GNPTAB: variants seen among roughly 807,000 people sequenced by gnomAD.
GNPTAB encodes the protein N-acetylglucosamine-1-phosphotransferase subunits alpha/beta.
In GNPTAB, 92 loss-of-function variants were observed where a neutral mutation model predicts 136.6. The observed-to-expected ratio is 0.67, with a 90% CI of 0.57 to 0.80. The LOEUF (loss-of-function observed/expected upper bound fraction) is 0.80, where lower values mean the gene tolerates loss of function less well. Among genes scored for constraint, GNPTAB ranks in the 30% least tolerant of loss-of-function variants. The pLI is 0.00. For synonymous variants in GNPTAB, 512 were observed against 535.1 expected, an observed-to-expected ratio of 0.96 and a Z score of 0.60; for missense variants, 1,343 against 1,501.8, an observed-to-expected ratio of 0.89 and a Z score of 1.75.
intron 20 of GNPTAB, 91 bp from the exon 21 acceptor site, chr12:101,747,332 A>T: frequency 1.4e-6 from 1 of 739,310 alleles, no homozygotes; most frequent in Admixed American, 2.0e-5. Flanking sequence ...ATATGACCTT[A>T]ATCATTTCCA....
rs558954544 is a variant in GNPTAB at position 101,758,022 on chromosome 12, T to G, written c.3250-365A>C. 9.3e-5 allele frequency among the ~76,000 whole-genome samples: 14 copies of G among 150,358 alleles called. No homozygotes were observed. The East Asian group carries it at 2.3e-3, about 25-fold the overall frequency. On this transcript the variant is annotated intron_variant, in intron 16 of 20. Coordinates refer to ENST00000299314, the MANE Select transcript of GNPTAB (RefSeq NM_024312.5). ...GTCTGGTGAATTCCCGACCCACAAA[T>G]AGTCTCATAGTCTCATTTTTTTTTT...
At chr12:101,782,576 T>C (rs527769098) in intron 5 of GNPTAB, among the ~76,000 whole-genome samples, 4 of 152,332 alleles carry the variant, frequency 2.6e-5, no homozygotes, top group African/African-American at 7.2e-5. Context: ...ATCACAACTT[T>C]TGCCCCTCCT....
rs1470852268 is a variant in GNPTAB at position 101,757,658 on chromosome 12, C to CAGG, written c.3250-2_3250-1insCCT. The CAGG allele has an allele frequency of 6.7e-7, 1 of 1,491,238 alleles. No individual in the cohort carries two copies. Among genetic ancestry groups the CAGG allele is most frequent in the Admixed American group, 1.7e-5 (1 of 59,860 alleles). 92.4% of individuals were successfully genotyped at this position (1,491,238 alleles called of 1,614,324 possible). A position where few individuals can be genotyped will look rare whatever the true frequency, so the allele number is the denominator to read the frequency against. On this transcript the variant is annotated splice_acceptor_variant, in intron 16 of 20. Coordinates refer to ENST00000299314, the MANE Select transcript of GNPTAB (RefSeq NM_024312.5). LOFTEE classifies it high-confidence loss of function. The stretch of plus-strand genomic sequence containing the variant: ...TTACTAGACTTTTAGTGACCGGTGG[C>CAGG]TATGAGAAAATATAAGTAGATCAGA...
intron 1 of GNPTAB, among the ~76,000 whole-genome samples, chr12:101,817,057 A>G (rs1344224528): frequency 6.6e-6 from 1 of 152,158 alleles, no homozygotes; most frequent in African/African-American, 2.4e-5. Flanking sequence ...TAGTGGGGGC[A>G]GTGGGGATGA....
At chr12:101,785,631 T>C (rs1270876813) in intron 5 of GNPTAB, 2 of 201,774 alleles carry the variant, frequency 9.9e-6, no homozygotes, top group Admixed American at 1.1e-4. Flanking sequence ...ATTCAGTTCA[T>C]ATATTTCAGA....
At chr12:101,789,351 T>C (rs934426720) in intron 3 of GNPTAB, among the ~76,000 whole-genome samples, 1 of 152,222 alleles carries the variant, frequency 6.6e-6, no homozygotes, top group East Asian at 1.9e-4. Flanking sequence ...ACAGGCCAGA[T>C]GGATGACTGC....
At chr12:101,774,786 G>A (rs1953235697) in intron 7 of GNPTAB, among the ~76,000 whole-genome samples, 1 of 152,088 alleles carries the variant, frequency 6.6e-6, no homozygotes, top group Admixed American at 6.5e-5. Context: ...TTTAAAAATT[G>A]GCTTTAAAAA....
chr12:101,771,346 C>T (rs551306175), intron 7 of GNPTAB, among the ~76,000 whole-genome samples, 189 bp from the exon 8 acceptor site: 2 of 151,830 alleles, frequency 1.3e-5, no homozygotes, highest in African/African-American at 2.4e-5. Flanking sequence ...CGGGTTCAAG[C>T]GATTCTCCTG....
intron 4 of GNPTAB, 37 bp from the exon 5 acceptor site, chr12:101,786,254 T>C (rs1219457240): frequency 6.6e-7 from 1 of 1,525,530 alleles, no homozygotes. Flanking sequence ...AATTACATTC[T>C]TGAAATTTAA....
chr12:101,785,947 C>G (rs1025127220), intron 5 of GNPTAB, 65 bp downstream of exon 5: 3 of 1,197,760 alleles, frequency 2.5e-6, no homozygotes, highest in Non-Finnish European at 3.7e-6. Flanking sequence ...CTATTCCACT[C>G]AGAATTTTGT....
chr12:101,780,989 G>A (rs1261053653), intron 5 of GNPTAB, among the ~76,000 whole-genome samples: 1 of 152,154 alleles, frequency 6.6e-6, no homozygotes, highest in Non-Finnish European at 1.5e-5. Context: ...ATTTGGGAGT[G>A]GTGAGTACTA....
Position 101,761,243 on chromosome 12 carries a change from G to T in GNPTAB, c.3019C>A (p.Pro1007Thr), listed in dbSNP as rs2137112082. The T allele has an allele frequency of 6.2e-7, 1 of 1,613,234 alleles. No individual in the cohort carries two copies. Among genetic ancestry groups the T allele is most frequent in the Non-Finnish European group, 8.5e-7 (1 of 1,179,222 alleles). The change falls in exon 15 of 21, where the codon CCA (proline) becomes ACA (threonine). Residue 1007 changes from proline to threonine, a missense_variant. Transcript: ENST00000299314. ...YFYYLMSAVQ[P>T]LNISQVFDEV... ...TCAAAGACTTGAGATATATTCAGTG[G>T]CTGCACTGCACTCATGAGATAATAA...
At chr12:101,748,329 T>C (rs1236680069) in intron 20 of GNPTAB, among the ~76,000 whole-genome samples, 2 of 152,206 alleles carry the variant, frequency 1.3e-5, no homozygotes, top group East Asian at 1.9e-4. Context: ...TACGTTTCAT[T>C]TGAGTGACAG....
intron 12 of GNPTAB, 24 bp from the exon 13 acceptor site, chr12:101,765,328 ATT>A: frequency 6.9e-7 from 1 of 1,443,356 alleles, no homozygotes; most frequent in Non-Finnish European, 9.6e-7. Flanking sequence ...CAGAAACATG[ATT>A]TTTTTTTTAA....
rs1170609278 is a variant in GNPTAB at position 101,753,551 on chromosome 12, G to A, written c.3435-12C>T. On this transcript the variant is annotated splice_polypyrimidine_tract_variant and intron_variant, in intron 18 of 20. Coordinates refer to ENST00000299314, the MANE Select transcript of GNPTAB (RefSeq NM_024312.5). ...GGCAAACAAACTTCCTGAAATAACA[G>A]AGAGCCAGGGTTATTAGTTACATAT... is the stretch of plus-strand genomic sequence containing the variant. 6.2e-7 allele frequency: 1 copy of A among 1,608,124 alleles called. No homozygotes were observed. The highest frequency in any genetic ancestry group is 1.7e-4 in the Middle Eastern group (1 of 6,058).
Position 101,764,540 on chromosome 12 carries a change from C to T in GNPTAB, c.2377G>A (p.Val793Met). 6.2e-7 allele frequency: 1 copy of T among 1,613,280 alleles called. No homozygotes were observed. The highest frequency in any genetic ancestry group is 1.3e-5 in the African/African-American group (1 of 74,984). Residue 793 changes from valine (V) to methionine (M), a missense_variant, in exon 13 of 21, where the codon GTG becomes ATG. Coordinates refer to ENST00000299314, the MANE Select transcript of GNPTAB (RefSeq NM_024312.5). ...ERLQRLTFPA[V>M]SVKVNGHDQG... The stretch of plus-strand genomic sequence containing the variant: ...TCATGACCATTCACTTTTACACTCA[C>T]TGCAGGAAAAGTCAACCTCTGCAAT...
In GNPTAB at chr12:101,753,479, C is replaced by T; in HGVS notation, c.3495G>A (p.Lys1165=). The change falls in exon 19 of 21, where the codon AAG becomes AAA. Residue 1165 remains lysine (K), a synonymous_variant. Coordinates refer to ENST00000299314, the MANE Select transcript of GNPTAB (RefSeq NM_024312.5). ...ATTCATAGAAGTCCCTGAGAACAGC[C>T]TTCACTGTCTGAGCATCTTTATGAT... The part of the protein sequence containing the change: ...DHNHKDAQTV[K]AVLRDFYESM... 2.5e-6 allele frequency: 4 copies of T among 1,613,804 alleles called. No homozygotes were observed. Among genetic ancestry groups the T allele is most frequent in the Non-Finnish European group, 3.4e-6 (4 of 1,179,724 alleles).
intron 1 of GNPTAB, among the ~76,000 whole-genome samples, chr12:101,812,829 G>A (rs932034980): frequency 1.6e-4 from 24 of 152,080 alleles, no homozygotes; most frequent in African/African-American, 5.8e-4. Context: ...TGTAGAGATG[G>A]GGTCTTACTA....
At chr12:101,773,147 T>C in intron 7 of GNPTAB, 1 of 259,992 alleles carries the variant, frequency 3.8e-6, no homozygotes, top group Non-Finnish European at 7.7e-6. Context: ...CAGTGTCTGG[T>C]TCAATCACAG....
Sources: gnomAD v4.1 joint callset for allele counts (sites outside exome capture counted in the v4.1 genomes callset) on GRCh38, gnomAD v4.1.1 for gene constraint, MANE v1.5 for transcripts, NCBI Gene and HGNC (gene_info 2026-07-23, HGNC 2026-07-21) for gene names.